Variants in WASF1 observed in about 807,000 individuals in gnomAD.
WASF1 encodes actin-binding protein WASF1.
Under a neutral mutation model 50.5 loss-of-function variants are expected in WASF1, and 7 were observed. The observed-to-expected ratio is 0.14, with a 90% CI of 0.08 to 0.26. WASF1 has a LOEUF of 0.26. Among genes scored for constraint, WASF1 ranks in the 10% least tolerant of loss-of-function variants. The pLI is 1.00. For missense variants in WASF1, 470 were observed against 694.7 expected (o/e 0.68, Z 3.64); for synonymous variants, 205 against 244.0 (o/e 0.84, Z 1.49).
chr6:110,113,276 T>A, intron 5 of WASF1, 50 bp downstream of exon 5: 3 of 1,413,356 alleles, frequency 2.1e-6, no homozygotes, highest in Non-Finnish European at 2.8e-6. Context: ...ATTCATCTCA[T>A]CTAACTTAAA....
rs116664290 is a variant in WASF1 at position 110,129,670 on chromosome 6, G to A, written c.-28-2041C>T. 2.7e-3 allele frequency among the ~76,000 whole-genome samples: 403 copies of A among 152,036 alleles called. 1 individual carries two copies. Among genetic ancestry groups the A allele is most frequent in the African/African-American group, 9.5e-3 (391 of 41,312 alleles). On this transcript the variant is annotated intron_variant, in intron 3 of 10. Transcript: ENST00000392589. ...AAGGCACAGAAAAGATGCTCACTTT[G>A]CTAGCTCTGCTATTGTAAGTTACAC...
At chr6:110,110,438 A>G (rs1773505969) in intron 5 of WASF1, among the ~76,000 whole-genome samples, 1 of 152,310 alleles carries the variant, frequency 6.6e-6, no homozygotes, top group East Asian at 1.9e-4. Flanking sequence ...TTATTAATCA[A>G]TAAGTATGTA....
At chr6:110,169,217 C>T (rs1776593808) in intron 2 of WASF1, among the ~76,000 whole-genome samples, 1 of 152,112 alleles carries the variant, frequency 6.6e-6, no homozygotes, top group African/African-American at 2.4e-5. Context: ...AAACAATCAA[C>T]CCTAACAGTC....
At chr6:110,129,877 A>C (rs947384767) in intron 3 of WASF1, among the ~76,000 whole-genome samples, 2 of 152,244 alleles carry the variant, frequency 1.3e-5, no homozygotes, top group Non-Finnish European at 2.9e-5. Flanking sequence ...TAAAGAGCGT[A>C]CGTTAAAATA....
chr6:110,165,288 T>C (rs1283525175), intron 2 of WASF1, among the ~76,000 whole-genome samples: 1 of 151,642 alleles, frequency 6.6e-6, no homozygotes, highest in African/African-American at 2.4e-5. Context: ...TCAGAGAATA[T>C]ATGGGAACTC....
At chr6:110,110,591 G>T (rs757372817) in intron 5 of WASF1, among the ~76,000 whole-genome samples, 4 of 152,068 alleles carry the variant, frequency 2.6e-5, no homozygotes, top group Non-Finnish European at 5.9e-5. Context: ...AGACTATTGT[G>T]GTGAAGCTCC....
Position 110,102,160 on chromosome 6 carries a change from G to C in WASF1, c.950C>G (p.Pro317Arg). 1 of 1,471,518 alleles carries C rather than the reference G, an allele frequency of 6.8e-7. No homozygotes were observed. The highest frequency in any genetic ancestry group is 9.0e-7 in the Non-Finnish European group (1 of 1,110,876). The allele number at this position is 1,471,518 out of a possible 1,614,324, so 91.2% of individuals were successfully genotyped here. A position where few individuals can be genotyped will look rare whatever the true frequency, so the allele number is the denominator to read the frequency against. The change falls in exon 10 of 11, where the codon CCT becomes CGT. Residue 317 changes from proline to arginine, a missense_variant. By Grantham distance (103) the Pro-to-Arg change is moderately radical. Transcript: ENST00000392589. ...TGGGGGAGTGGGGCTCACAAACACAGGTGTTCTGCCTGTAGCTGGTGACTG... is the reference window on the plus strand; with the variant it reads ...TGGGGGAGTGGGGCTCACAAACACACGTGTTCTGCCTGTAGCTGGTGACTG... ...RPQSPATGRT[P>R]VFVSPTPPPP...
chr6:110,132,022 T>C (rs1774698685), intron 3 of WASF1, among the ~76,000 whole-genome samples: 2 of 152,182 alleles, frequency 1.3e-5, no homozygotes. Context: ...TTTCTTTCTA[T>C]CCACGAACAT....
intron 7 of WASF1, 53 bp from the exon 8 acceptor site, chr6:110,105,632 A>G (rs1773289538): frequency 1.3e-6 from 2 of 1,556,904 alleles, no homozygotes; most frequent in African/African-American, 2.7e-5. Context: ...AATTTTTAAA[A>G]AGGAGGTTAT....
intron 5 of WASF1, among the ~76,000 whole-genome samples, chr6:110,112,392 A>G (rs546372046): frequency 5.9e-5 from 9 of 152,258 alleles, no homozygotes; most frequent in African/African-American, 2.2e-4. Flanking sequence ...TCGGCATTCA[A>G]TGTATTCTAT....
At chr6:110,125,123 C>A (rs958453299) in intron 4 of WASF1, among the ~76,000 whole-genome samples, 6 of 152,142 alleles carry the variant, frequency 3.9e-5, no homozygotes, top group Admixed American at 6.5e-5. Context: ...TCTAATACAT[C>A]AATTGTTATT....
chr6:110,136,012 T>C (rs1013235662), intron 3 of WASF1, among the ~76,000 whole-genome samples: 1 of 150,880 alleles, frequency 6.6e-6, no homozygotes, highest in Admixed American at 6.6e-5. Flanking sequence ...GCCTCCCGAG[T>C]AGCTGGGACT....
At chr6:110,134,934 G>C (rs1387230445) in intron 3 of WASF1, among the ~76,000 whole-genome samples, 1 of 151,962 alleles carries the variant, frequency 6.6e-6, no homozygotes, top group East Asian at 1.9e-4. Flanking sequence ...GATGGAAATT[G>C]CATTTTGTAG....
At chr6:110,124,274 C>CTCTCTCTATATATA (rs1331534646) in intron 4 of WASF1, among the ~76,000 whole-genome samples, 1 of 20,502 alleles carries the variant, frequency 4.9e-5, no homozygotes, top group Non-Finnish European at 7.6e-5. Flanking sequence ...CTCTCTCTCT[C>CTCTCTCTATATATA]TATATATATA....
chr6:110,140,452 C>T (rs1322009711), intron 3 of WASF1, among the ~76,000 whole-genome samples: 1 of 152,130 alleles, frequency 6.6e-6, no homozygotes, highest in Non-Finnish European at 1.5e-5. Context: ...CATAGGAACC[C>T]AACTTGAAGT....
At chr6:110,146,893 T>C (rs1775589192) in intron 3 of WASF1, among the ~76,000 whole-genome samples, 4 of 152,040 alleles carry the variant, frequency 2.6e-5, no homozygotes. Flanking sequence ...AGGAGATTCA[T>C]AGGAAAATGA....
At chr6:110,130,746 G>A (rs908161435) in intron 3 of WASF1, among the ~76,000 whole-genome samples, 31 of 152,122 alleles carry the variant, frequency 2.0e-4, no homozygotes, top group African/African-American at 6.8e-4. Flanking sequence ...CCAAGTTAAG[G>A]ATACACACAA....
At chr6:110,141,341 C>T (rs186298172) in intron 3 of WASF1, among the ~76,000 whole-genome samples, 2 of 152,102 alleles carry the variant, frequency 1.3e-5, no homozygotes, top group Non-Finnish European at 2.9e-5. Context: ...TATAGTCCTG[C>T]CTTTCCTCAT....
chr6:110,105,938 T>C (rs555496767), intron 7 of WASF1, among the ~76,000 whole-genome samples: 1 of 152,206 alleles, frequency 6.6e-6, no homozygotes, highest in Non-Finnish European at 1.5e-5. Context: ...TGGCATTGTC[T>C]GCCCCTAATC....
Sources: gnomAD v4.1 joint callset for allele counts (sites outside exome capture counted in the v4.1 genomes callset) on GRCh38, gnomAD v4.1.1 for gene constraint, MANE v1.5 for transcripts, NCBI Gene and HGNC (gene_info 2026-07-23, HGNC 2026-07-21) for gene names.